Variants in PCOLCE observed in about 807,000 individuals in gnomAD.
PCOLCE encodes the protein procollagen C-endopeptidase enhancer, also known as procollagen C-endopeptidase enhancer 1.
A neutral mutation model predicts 47.2 loss-of-function variants in PCOLCE; 33 were observed. The observed-to-expected ratio is 0.70, with a 90% CI of 0.53 to 0.93. The LOEUF (loss-of-function observed/expected upper bound fraction) is 0.93. Ranked by LOEUF, PCOLCE falls within the 40% of genes least tolerant of loss-of-function variation. The pLI, the probability that PCOLCE is intolerant of heterozygous loss-of-function variation, is 0.00. For missense variants in PCOLCE, 584 were observed against 585.3 expected, an observed-to-expected ratio of 1.00 and a Z score of 0.02; for synonymous variants, 254 against 252.5, an observed-to-expected ratio of 1.01 and a Z score of -0.06.
chr7:100,605,062 C>T lies in PCOLCE; in HGVS notation c.464-29C>T. The T allele has an allele frequency of 6.4e-7, 1 of 1,566,582 alleles. No homozygotes were observed. ...GCTGACCGAGGGTCTCCACCGCCCC[C>T]CACCCCCGCTCCTCTCTCCCCTCCC... On this transcript the variant is annotated intron_variant, in intron 3 of 8. Coordinates refer to ENST00000223061, the MANE Select transcript of PCOLCE (RefSeq NM_002593.4). The surrounding 1 kb of genome is among the most constrained non-coding windows in gnomAD (Gnocchi z 6.1).
At position 100,603,619 on chromosome 7, in the gene PCOLCE, T is replaced by TC. The variant is rs58213224; in HGVS notation, c.204+88dup. The TC allele has an allele frequency of 8.3e-3, 2,403 of 289,558 alleles. 31 individuals carry two copies. Among genetic ancestry groups the TC allele is most frequent in the African/African-American group, 0.071 (1,534 of 21,500 alleles). The allele number at this position is 289,558 out of a possible 1,614,324, so 17.9% of individuals were successfully genotyped here. On this transcript the variant is annotated intron_variant, in intron 2 of 8. Transcript: ENST00000223061. The stretch of plus-strand genomic sequence containing the variant: ...TGACTGCGAAGGGACCCCCCCCCCG[T>TC]CCCCCCCGCACCACCTTCTCAACCT...
At position 100,603,414 on chromosome 7, in the gene PCOLCE, CT is replaced by C; in HGVS notation, c.96-12del. Reference sequence around the variant, plus strand: ...ACCCGTCCCTGCTCTTTCCTGACCCCTTTTCTGTTCTCCAGACCCGTGTTCC... The same window carrying C: ...ACCCGTCCCTGCTCTTTCCTGACCCCTTTCTGTTCTCCAGACCCGTGTTCC... On this transcript the variant is annotated splice_polypyrimidine_tract_variant and intron_variant, in intron 1 of 8. Coordinates refer to ENST00000223061, the MANE Select transcript of PCOLCE (RefSeq NM_002593.4). 6.7e-7 allele frequency: 1 copy of C among 1,492,088 alleles called. No homozygotes were observed. Among genetic ancestry groups the C allele is most frequent in the Non-Finnish European group, 9.3e-7 (1 of 1,077,724 alleles). 92.4% of individuals were successfully genotyped at this position (1,492,088 alleles called of 1,614,324 possible).
rs1261107466 is a variant in PCOLCE, at chr7:100,603,657, A to G, written c.204+119A>G. On this transcript the variant is annotated intron_variant, in intron 2 of 8. Coordinates refer to ENST00000223061, the MANE Select transcript of PCOLCE (RefSeq NM_002593.4). Reference sequence around the variant, plus strand: ...ACCTTCTCAACCTGGGGCAGCTCCAAGTGTCTTCCCTCTGTCACTGAAGGC... The same window carrying G: ...ACCTTCTCAACCTGGGGCAGCTCCAGGTGTCTTCCCTCTGTCACTGAAGGC... 13 of 558,370 alleles carry G rather than the reference A, an allele frequency of 2.3e-5. No individual in the cohort carries two copies. The East Asian group carries it at 4.3e-4, about 18-fold the overall frequency. The allele number at this position is 558,370 out of a possible 1,614,324, so 34.6% of individuals were successfully genotyped here. A position where few individuals can be genotyped will look rare whatever the true frequency, so the allele number is the denominator to read the frequency against.
intron 1 of PCOLCE, chr7:100,602,899 G>A (rs1404903472): frequency 5.5e-6 from 2 of 361,174 alleles, no homozygotes; most frequent in Non-Finnish European, 1.0e-5. Context: ...AGGGGGAGGA[G>A]GGGGCAGTGA....
intron 1 of PCOLCE, 155 bp from the exon 2 acceptor site, chr7:100,603,275 C>T (rs1457608919): frequency 3.8e-6 from 2 of 532,254 alleles, no homozygotes; most frequent in Non-Finnish European, 6.7e-6. Context: ...CCTGTCCTGG[C>T]TGGTGGAAGC....
rs1457426687 is a variant in PCOLCE at position 100,605,964 on chromosome 7, G to A, written c.725+152G>A. ...AGCAGGTTGGAGGCCAGGCAAAGAG[G>A]AGATTTGGCCCCGGGTCTGGGGTCC... On this transcript the variant is annotated intron_variant, in intron 5 of 8. Coordinates refer to ENST00000223061, the MANE Select transcript of PCOLCE (RefSeq NM_002593.4). The surrounding 1 kb of genome is among the most constrained non-coding windows in gnomAD (Gnocchi z 6.1). 6 of 912,210 alleles carry A rather than the reference G, an allele frequency of 6.6e-6. No individual in the cohort carries two copies. In the Admixed American group the frequency reaches 8.7e-5, roughly 13 times the overall value. 56.5% of individuals were successfully genotyped at this position (912,210 alleles called of 1,614,324 possible). A position where few individuals can be genotyped will look rare whatever the true frequency, so the allele number is the denominator to read the frequency against.
chr7:100,605,565 C>A lies in PCOLCE; in HGVS notation c.589-111C>A. 1 of 1,347,724 alleles carries A rather than the reference C, an allele frequency of 7.4e-7. No individual in the cohort carries two copies. Among genetic ancestry groups the A allele is most frequent in the Non-Finnish European group, 1.0e-6 (1 of 986,388 alleles). 83.5% of individuals were successfully genotyped at this position (1,347,724 alleles called of 1,614,324 possible). ...TGTGAACGCCTTCAGGAGGGGGGCC[C>A]AGAGGACGCGGGAGGTGGGAGTGGG... On this transcript the variant is annotated intron_variant, in intron 4 of 8. Transcript: ENST00000223061. This position sits in a 1 kb window ranked among gnomAD's most constrained non-coding sequence, Gnocchi z 6.1.
In PCOLCE at chr7:100,604,268, C is replaced by T. The variant is rs766550053; in HGVS notation, c.463+51C>T. 6 of 1,486,288 alleles carry T rather than the reference C, an allele frequency of 4.0e-6. No individual in the cohort carries two copies. The highest frequency in any genetic ancestry group is 3.9e-5 in the Admixed American group (2 of 50,734). 92.1% of individuals were successfully genotyped at this position (1,486,288 alleles called of 1,614,324 possible). On this transcript the variant is annotated intron_variant, in intron 3 of 8. Coordinates refer to ENST00000223061, the MANE Select transcript of PCOLCE (RefSeq NM_002593.4). This position sits in a 1 kb window ranked among gnomAD's most constrained non-coding sequence, Gnocchi z 6.4. ...CCCCCCCTCCAGGCCCCGCCCCGGC[C>T]GCAGCCCCGCCCCCAGCCCTAACCT...
In PCOLCE at chr7:100,604,784, A is replaced by ATCT. The variant is rs754723573; in HGVS notation, c.464-306_464-304dup. 4 of 407,524 alleles carry ATCT rather than the reference A, an allele frequency of 9.8e-6. No homozygotes were observed. The highest frequency in any genetic ancestry group is 4.1e-5 in the African/African-American group (2 of 48,650). 25.2% of individuals were successfully genotyped at this position (407,524 alleles called of 1,614,324 possible). On this transcript the variant is annotated intron_variant, in intron 3 of 8. Transcript: ENST00000223061. This position sits in a 1 kb window ranked among gnomAD's most constrained non-coding sequence, Gnocchi z 6.4. ...TCTGCTGCAGGGCCGGGGAGATGGG[A>ATCT]TCTCCTAGGGGAAGAGGCGCGGTGC... is the stretch of plus-strand genomic sequence containing the variant.
rs1562826897 is a variant in PCOLCE at position 100,605,057 on chromosome 7, G to GC, written c.464-28dup. ...CTGAAGCTGACCGAGGGTCTCCACCGCCCCCCACCCCCGCTCCTCTCTCCC... is the reference window on the plus strand; with the variant it reads ...CTGAAGCTGACCGAGGGTCTCCACCGCCCCCCCACCCCCGCTCCTCTCTCCC... On this transcript the variant is annotated intron_variant, in intron 3 of 8. Coordinates refer to ENST00000223061, the MANE Select transcript of PCOLCE (RefSeq NM_002593.4). This position sits in a 1 kb window ranked among gnomAD's most constrained non-coding sequence, Gnocchi z 6.1. The GC allele has an allele frequency of 3.2e-6, 5 of 1,540,114 alleles. No individual in the cohort carries two copies. Among genetic ancestry groups the GC allele is most frequent in the Non-Finnish European group, 2.7e-6 (3 of 1,119,140 alleles).
chr7:100,605,046 G>A lies in PCOLCE; in HGVS notation c.464-45G>A. 6.7e-7 allele frequency: 1 copy of A among 1,487,648 alleles called. No homozygotes were observed. Among genetic ancestry groups the A allele is most frequent in the South Asian group, 1.2e-5 (1 of 86,562 alleles). 92.2% of individuals were successfully genotyped at this position (1,487,648 alleles called of 1,614,324 possible). A position where few individuals can be genotyped will look rare whatever the true frequency, so the allele number is the denominator to read the frequency against. Reference sequence around the variant, plus strand: ...CTAGAGTTCTCCTGAAGCTGACCGAGGGTCTCCACCGCCCCCCACCCCCGC... The same window carrying A: ...CTAGAGTTCTCCTGAAGCTGACCGAAGGTCTCCACCGCCCCCCACCCCCGC... On this transcript the variant is annotated intron_variant, in intron 3 of 8. Transcript: ENST00000223061. The surrounding 1 kb of genome is among the most constrained non-coding windows in gnomAD (Gnocchi z 6.1).
At chr7:100,606,004 G>A in intron 5 of PCOLCE, 192 bp downstream of exon 5, 1 of 634,420 alleles carries the variant, frequency 1.6e-6, no homozygotes, top group Non-Finnish European at 2.7e-6. Context: ...ATAGAGAGGC[G>A]ACTGGGGCTC....
chr7:100,603,459 AG>A lies in PCOLCE; in HGVS notation c.130del (p.Glu44AsnfsTer24), dbSNP rs1802648446. The part of the protein sequence containing the change: ...RPVFLCGGDV[K>X]GESGYVASEG... ...GTGTTCCTGTGCGGAGGGGATGTGA[AG>A]GGGGAATCAGGTTACGTGGCAAGTG... On this transcript the variant is annotated frameshift_variant, in exon 2 of 9. Coordinates refer to ENST00000223061, the MANE Select transcript of PCOLCE (RefSeq NM_002593.4). LOFTEE classifies it high-confidence loss of function. The A allele has an allele frequency of 1.2e-6, 2 of 1,605,624 alleles. No homozygotes were observed. The highest frequency in any genetic ancestry group is 8.5e-7 in the Non-Finnish European group (1 of 1,175,760).
rs1584440435 is a variant in PCOLCE, at chr7:100,604,061, A to G, written c.307A>G (p.Thr103Ala). 3 of 1,608,708 alleles carry G rather than the reference A, an allele frequency of 1.9e-6. No homozygotes were observed. The highest frequency in any genetic ancestry group is 1.3e-5 in the African/African-American group (1 of 74,988). Reference sequence around the variant, plus strand: ...TCTGGAGGTCTTCGCTGGGTCTGGGACTTCCGGCCAGCGGCTCGGACGCTT... The same window carrying G: ...TCTGGAGGTCTTCGCTGGGTCTGGGGCTTCCGGCCAGCGGCTCGGACGCTT... ...DALEVFAGSGTSGQRLGRFCG... is the reference protein window; with the variant it reads ...DALEVFAGSGASGQRLGRFCG... The change falls in exon 3 of 9, where the codon ACT becomes GCT. Residue 103 changes from threonine (T) to alanine (A), a missense_variant. Physicochemically the swap from Thr to Ala is moderately conservative, Grantham distance 58. Transcript: ENST00000223061. This position sits in a 1 kb window ranked among gnomAD's most constrained non-coding sequence, Gnocchi z 6.4.
At chr7:100,603,612 C>G (rs1043427939) in intron 2 of PCOLCE, 74 bp downstream of exon 2, 5 of 630,132 alleles carry the variant, frequency 7.9e-6, no homozygotes, top group South Asian at 2.0e-5. Context: ...AAGGGACCCC[C>G]CCCCCGTCCC....
At position 100,605,954 on chromosome 7, in the gene PCOLCE, A is replaced by G; in HGVS notation, c.725+142A>G. The G allele has an allele frequency of 1.0e-6, 1 of 958,632 alleles. No homozygotes were observed. The highest frequency in any genetic ancestry group is 1.7e-5 in the South Asian group (1 of 58,030). 59.4% of individuals were successfully genotyped at this position (958,632 alleles called of 1,614,324 possible). ...CGGCGAGGGGAGCAGGTTGGAGGCCAGGCAAAGAGGAGATTTGGCCCCGGG... is the reference window on the plus strand; with the variant it reads ...CGGCGAGGGGAGCAGGTTGGAGGCCGGGCAAAGAGGAGATTTGGCCCCGGG... On this transcript the variant is annotated intron_variant, in intron 5 of 8. Coordinates refer to ENST00000223061, the MANE Select transcript of PCOLCE (RefSeq NM_002593.4). The surrounding 1 kb of genome is among the most constrained non-coding windows in gnomAD (Gnocchi z 6.1).
chr7:100,606,685 A>C, intron 6 of PCOLCE, 55 bp downstream of exon 6: 2 of 1,396,734 alleles, frequency 1.4e-6, no homozygotes, highest in Non-Finnish European at 9.8e-7. Flanking sequence ...CCATTTCAAA[A>C]AGTTCTGACC....
At position 100,606,476 on chromosome 7, in the gene PCOLCE, C is replaced by T. The variant is rs147704294; in HGVS notation, c.786C>T (p.Thr262=). 2.9e-4 allele frequency: 467 copies of T among 1,614,114 alleles called. 1 individual carries two copies. Among genetic ancestry groups the T allele is most frequent in the South Asian group, 1.5e-3 (140 of 91,084 alleles). The change falls in exon 6 of 9, where the codon ACC becomes ACT. Residue 262 remains threonine, a synonymous_variant. Coordinates refer to ENST00000223061, the MANE Select transcript of PCOLCE (RefSeq NM_002593.4). The part of the protein sequence containing the change: ...LVQFVSDLSV[T]ADGFSASYKT... ...AGTTCGTCTCAGATCTCAGTGTCACCGCTGATGGCTTCTCAGCCTCCTACA... is the reference window on the plus strand; with the variant it reads ...AGTTCGTCTCAGATCTCAGTGTCACTGCTGATGGCTTCTCAGCCTCCTACA...
rs149792287 is a variant in PCOLCE, at chr7:100,605,434, C to T, written c.588+219C>T. The T allele has an allele frequency of 3.6e-4, 237 of 653,252 alleles. 2 individuals are homozygous for T. In the East Asian group the frequency reaches 6.4e-3, roughly 18 times the overall value. 40.5% of individuals were successfully genotyped at this position (653,252 alleles called of 1,614,324 possible). A position where few individuals can be genotyped will look rare whatever the true frequency, so the allele number is the denominator to read the frequency against. On this transcript the variant is annotated intron_variant, in intron 4 of 8. Transcript: ENST00000223061. The surrounding 1 kb of genome is among the most constrained non-coding windows in gnomAD (Gnocchi z 6.1). Reference sequence around the variant, plus strand: ...AGCGAGGTACAGGGTCCTGGTATAACACGCGGGCCTGTCACTTGTGAGTGC... The same window carrying T: ...AGCGAGGTACAGGGTCCTGGTATAATACGCGGGCCTGTCACTTGTGAGTGC...
Sources: allele counts gnomAD v4.1 joint callset, GRCh38; gene constraint gnomAD v4.1.1; non-coding constraint Gnocchi (gnomAD v3.1); transcripts MANE v1.5; gene names NCBI Gene and HGNC (gene_info 2026-07-23, HGNC 2026-07-21).